The following MYO1F variants were observed in gnomAD, a reference collection of about 807,000 sequenced individuals.
MYO1F encodes unconventional myosin-If.
A neutral mutation model predicts 146.6 loss-of-function variants in MYO1F; 60 were observed. The ratio of observed to expected loss-of-function variants is 0.41; its 90% CI spans 0.33 to 0.51. MYO1F has a LOEUF of 0.51. MYO1F is among the 20% of genes least tolerant of loss of function. The pLI, the probability that MYO1F is intolerant of heterozygous loss-of-function variation, is 0.25. For synonymous variants in MYO1F, 602 were observed against 602.1 expected (o/e 1.00, Z 0.00); for missense variants, 1,274 against 1,534.3 (o/e 0.83, Z 2.83).
intron 1 of MYO1F, among the ~76,000 whole-genome samples, chr19:8,559,505 C>T (rs1029570610): frequency 2.6e-5 from 4 of 152,004 alleles, no homozygotes; most frequent in Admixed American, 6.6e-5. Flanking sequence ...GAGTCTCCAT[C>T]GTCTCATCTA....
At position 8,532,938 on chromosome 19, in the gene MYO1F, AC is replaced by A. The variant is rs1172474439; in HGVS notation, c.2044-2366del. On this transcript the variant is annotated intron_variant, in intron 19 of 27. Coordinates refer to ENST00000644032, the MANE Select transcript of MYO1F (RefSeq NM_012335.4). Reference sequence around the variant, plus strand: ...CACACACACACACACACACACACACACACACACACACAATTGGGCTTTATTT... The same window carrying A: ...CACACACACACACACACACACACACAACACACACACAATTGGGCTTTATTT... 8.5e-4 allele frequency among the ~76,000 whole-genome samples: 129 copies of A among 150,908 alleles called. 1 individual carries two copies. Among genetic ancestry groups the A allele is most frequent in the African/African-American group, 3.0e-3 (123 of 41,052 alleles).
intron 14 of MYO1F, among the ~76,000 whole-genome samples, chr19:8,543,675 CTGGTGGTGGTGGTGGTGG>C (rs1191447239): frequency 1.7e-4 from 6 of 36,180 alleles, no homozygotes; most frequent in Non-Finnish European, 3.1e-4. Flanking sequence ...GGTGGTGGTG[CTGGTGGTGGTGGTGGTGG>C]TGGTGGTGGT....
At position 8,548,410 on chromosome 19, in the gene MYO1F, ATGGG is replaced by A. The variant is rs1447815041; in HGVS notation, c.1102-97_1102-94del. 5 of 1,145,826 alleles carry A rather than the reference ATGGG, an allele frequency of 4.4e-6. No individual in the cohort carries two copies. In the East Asian group the frequency reaches 9.8e-5, roughly 22 times the overall value. The allele number at this position is 1,145,826 out of a possible 1,614,324, so 71.0% of individuals were successfully genotyped here. ...CTTAGACACACGCCTAGCCAACTTC[ATGGG>A]TGATGTCCCCTCATGCCAGTTTCCC... On this transcript the variant is annotated intron_variant, in intron 10 of 27. Transcript: ENST00000644032.
In MYO1F at chr19:8,521,370, G is replaced by A; in HGVS notation, c.*158C>T. The A allele has an allele frequency of 2.7e-6, 2 of 750,128 alleles. No homozygotes were observed. Among genetic ancestry groups the A allele is most frequent in the Admixed American group, 4.1e-5 (2 of 48,942 alleles). The allele number at this position is 750,128 out of a possible 1,614,324, so 46.5% of individuals were successfully genotyped here. A position where few individuals can be genotyped will look rare whatever the true frequency, so the allele number is the denominator to read the frequency against. ...GGGGCGGGGGCTGCAGCAGTGACCT[G>A]GTGACCCAGGGCCTGGGCAGGACTG... On this transcript the variant is annotated 3_prime_UTR_variant, in exon 28 of 28. Transcript: ENST00000644032.
At chr19:8,522,301 C>A in intron 27 of MYO1F, 76 bp downstream of exon 27, 7 of 1,588,768 alleles carry the variant, frequency 4.4e-6, no homozygotes, top group Non-Finnish European at 5.2e-6. Context: ...GGATTACAGG[C>A]GTGAGCCACC....
intron 1 of MYO1F, among the ~76,000 whole-genome samples, chr19:8,564,759 C>T (rs1310357101): frequency 6.6e-6 from 1 of 150,508 alleles, no homozygotes; most frequent in African/African-American, 2.4e-5. Flanking sequence ...CAGGGGAGCC[C>T]GTGTTTCCTG....
intron 14 of MYO1F, among the ~76,000 whole-genome samples, chr19:8,543,675 CTGGTGGTGGTGGTGGTGGTGGT>C (rs1973089211): frequency 1.1e-4 from 4 of 36,194 alleles, no homozygotes; most frequent in Middle Eastern, 0.012. Flanking sequence ...GGTGGTGGTG[CTGGTGGTGGTGGTGGTGGTGGT>C]GGTGGTGGTG....
chr19:8,521,660 A>T, intron 27 of MYO1F, 56 bp from the exon 28 acceptor site: 2 of 1,524,564 alleles, frequency 1.3e-6, no homozygotes. Flanking sequence ...GAAAGCTCTC[A>T]TGCCTGGTCT....
At chr19:8,553,503 T>C in intron 4 of MYO1F, 66 bp from the exon 5 acceptor site, 1 of 1,303,060 alleles carries the variant, frequency 7.7e-7, no homozygotes. Context: ...GCCTGACCAT[T>C]CATTCATTGA....
chr19:8,553,894 A>ACTCTCTCTCTCTCTCT (rs530875155), intron 4 of MYO1F, among the ~76,000 whole-genome samples: 98 of 102,636 alleles, frequency 9.5e-4, no homozygotes, highest in South Asian at 3.3e-3. Flanking sequence ...ACACACACAC[A>ACTCTCTCTCTCTCTCT]CTCTCTCTCT....
At chr19:8,565,172 C>T (rs2041980133) in intron 1 of MYO1F, among the ~76,000 whole-genome samples, 1 of 152,182 alleles carries the variant, frequency 6.6e-6, no homozygotes, top group South Asian at 2.1e-4. Flanking sequence ...GCTGGGAGTA[C>T]AGGCGTGAGC....
At chr19:8,560,311 C>A (rs967159272) in intron 1 of MYO1F, among the ~76,000 whole-genome samples, 2 of 151,574 alleles carry the variant, frequency 1.3e-5, no homozygotes, top group African/African-American at 4.8e-5. Flanking sequence ...GGTGAAACCC[C>A]ATCTCTACTA....
intron 1 of MYO1F, among the ~76,000 whole-genome samples, chr19:8,568,030 C>T (rs1470943544): frequency 6.6e-6 from 1 of 152,200 alleles, no homozygotes; most frequent in Admixed American, 6.5e-5. Flanking sequence ...CCTCTTTCCT[C>T]ATCTGGCAGA....
At chr19:8,556,214 G>C (rs1313312892) in intron 1 of MYO1F, among the ~76,000 whole-genome samples, 1 of 151,138 alleles carries the variant, frequency 6.6e-6, no homozygotes, top group African/African-American at 2.4e-5. Context: ...ATTTTTGGTA[G>C]AGATGGGGTT....
At chr19:8,543,972 CTGGTGCTGGTGCTGGTGGTGG>C in intron 14 of MYO1F, 1 of 113,716 alleles carries the variant, frequency 8.8e-6, no homozygotes. Flanking sequence ...GGTGGTGGTG[CTGGTGCTGGTGCTGGTGGTGG>C]TGCTGGTGGT....
rs756138370 is a variant in MYO1F, at chr19:8,522,399, C to G, written c.3198G>C (p.Glu1066Asp). 1.9e-6 allele frequency: 3 copies of G among 1,614,050 alleles called. No individual in the cohort carries two copies. Among genetic ancestry groups the G allele is most frequent in the African/African-American group, 1.3e-5 (1 of 74,934 alleles). Residue 1066 changes from glutamate (E) to aspartate (D), a missense_variant, in exon 27 of 28, where the codon GAG (glutamate) becomes GAC (aspartate). This residue lies in a region of MYO1F where 374 missense variants were observed against 379.2 expected (regional missense o/e 0.99). Coordinates refer to ENST00000644032, the MANE Select transcript of MYO1F (RefSeq NM_012335.4). ...CACCTTCCATGAGGATCTCAATGAC[C>G]TCGTTCACGTTGAAGCTCAGCTCGT... is the stretch of plus-strand genomic sequence containing the variant. ...DVDELSFNVN[E>D]VIEILMEDPS...
chr19:8,562,815 T>G (rs1195687871), intron 1 of MYO1F, among the ~76,000 whole-genome samples: 1 of 152,104 alleles, frequency 6.6e-6, no homozygotes, highest in African/African-American at 2.4e-5. Flanking sequence ...ATTACAGGCA[T>G]GAGCCATGGT....
At position 8,554,651 on chromosome 19, in the gene MYO1F, C is replaced by T. The variant is rs1568362449; in HGVS notation, c.231+3G>A. ...TGTGCCTCCCACCCAGCCCCAGCCT[C>T]ACCGCGCCCTGATAGAGGTCGATCT... On this transcript the variant is annotated splice_donor_region_variant and intron_variant, in intron 3 of 27. Transcript: ENST00000644032. The T allele has an allele frequency of 1.2e-6, 2 of 1,613,978 alleles. No individual in the cohort carries two copies. The highest frequency in any genetic ancestry group is 1.7e-6 in the Non-Finnish European group (2 of 1,179,974).
At chr19:8,556,179 C>T (rs891935284) in intron 1 of MYO1F, among the ~76,000 whole-genome samples, 1 of 151,436 alleles carries the variant, frequency 6.6e-6, no homozygotes, top group African/African-American at 2.4e-5. Context: ...CAGGTGCCCA[C>T]CACCATGCCC....
Sources: gnomAD v4.1 joint callset for allele counts (sites outside exome capture counted in the v4.1 genomes callset) on GRCh38, gnomAD v4.1.1 for gene constraint, gnomAD v4.1.1 regional missense constraint, MANE v1.5 for transcripts, NCBI Gene and HGNC (gene_info 2026-07-23, HGNC 2026-07-21) for gene names.